SYNE1: variants seen among roughly 807,000 people sequenced by gnomAD.
SYNE1 encodes spectrin repeat containing nuclear envelope protein 1, also known as nesprin-1.
In SYNE1, 616 loss-of-function variants were observed where a neutral mutation model predicts 1,111.0. The ratio of observed to expected loss-of-function variants is 0.55; its 90% confidence interval spans 0.52 to 0.59. The LOEUF is 0.59. SYNE1 is among the 20% of genes least tolerant of loss of function. The pLI, the probability that SYNE1 is intolerant of heterozygous loss-of-function variation, is 0.00. For missense variants in SYNE1, 10,006 were observed against 10,417.0 expected (o/e 0.96, Z 1.72); for synonymous variants, 3,855 against 3,825.8 (o/e 1.01, Z -0.28).
intron 130 of SYNE1, among the ~76,000 whole-genome samples, chr6:152,175,120 G>A (rs2066106972): frequency 6.6e-6 from 1 of 152,212 alleles, no homozygotes; most frequent in African/African-American, 2.4e-5. Flanking sequence ...TTGAACCTGG[G>A]AGGCAGAGGT....
At chr6:152,346,323 C>A (rs982444912) in intron 73 of SYNE1, among the ~76,000 whole-genome samples, 1 of 151,904 alleles carries the variant, frequency 6.6e-6, no homozygotes, top group Non-Finnish European at 1.5e-5. Context: ...CTTGCCACCA[C>A]GCCCAGGTAA....
intron 9 of SYNE1, among the ~76,000 whole-genome samples, chr6:152,504,745 G>A (rs1207261739): frequency 6.6e-6 from 1 of 152,252 alleles, no homozygotes; most frequent in East Asian, 1.9e-4. Flanking sequence ...CAAAAAACGT[G>A]CCAAACAATT....
intron 127 of SYNE1, 123 bp from the exon 128 acceptor site, chr6:152,189,530 G>A: frequency 1.2e-6 from 1 of 863,638 alleles, no homozygotes; most frequent in Non-Finnish European, 1.8e-6. Context: ...ATCTAACTTG[G>A]GATCTAGAGG....
intron 98 of SYNE1, among the ~76,000 whole-genome samples, chr6:152,277,100 C>T (rs1490424265): frequency 6.6e-6 from 1 of 151,248 alleles, no homozygotes; most frequent in African/African-American, 2.4e-5. Flanking sequence ...CCGTGTTAGC[C>T]AGGATGGTCT....
chr6:152,433,102 A>G (rs1402691244), intron 34 of SYNE1, among the ~76,000 whole-genome samples: 2 of 151,876 alleles, frequency 1.3e-5, no homozygotes, highest in Non-Finnish European at 2.9e-5. Context: ...AAAAAAAAAA[A>G]GCTGAGGTAG....
intron 3 of SYNE1, among the ~76,000 whole-genome samples, chr6:152,608,798 A>T (rs1240709860): frequency 6.6e-6 from 1 of 152,124 alleles, no homozygotes; most frequent in Non-Finnish European, 1.5e-5. Flanking sequence ...GCTGGGTGTG[A>T]TGGCACACAC....
At chr6:152,282,097 T>C in intron 96 of SYNE1, 117 bp from the exon 97 acceptor site, 3 of 1,116,786 alleles carry the variant, frequency 2.7e-6, no homozygotes, top group Non-Finnish European at 3.9e-6. Context: ...GGTAAAACTT[T>C]TAAAAATTTC....
At chr6:152,386,062 CTTAGTATGGA>C (rs2097522540) in intron 54 of SYNE1, among the ~76,000 whole-genome samples, 4 of 152,078 alleles carry the variant, frequency 2.6e-5, no homozygotes, top group Admixed American at 1.3e-4. Context: ...TATTTTCTAC[CTTAGTATGGA>C]AATCATGCTT....
chr6:152,182,648 G>C (rs1477149692), intron 128 of SYNE1, among the ~76,000 whole-genome samples: 1 of 152,094 alleles, frequency 6.6e-6, no homozygotes, highest in African/African-American at 2.4e-5. Context: ...TATCAATTCT[G>C]TCTTGGATTT....
intron 46 of SYNE1, among the ~76,000 whole-genome samples, chr6:152,402,128 G>A (rs553409180): frequency 2.0e-5 from 3 of 152,194 alleles, no homozygotes; most frequent in Non-Finnish European, 4.4e-5. Context: ...AGACTGGCAG[G>A]AGGCGGGTGA....
chr6:152,154,775 G>T, intron 133 of SYNE1, 117 bp downstream of exon 133: 1 of 1,172,722 alleles, frequency 8.5e-7, no homozygotes, highest in Non-Finnish European at 1.3e-6. Context: ...AAGTCCTCAC[G>T]CAGCAATTTG....
chr6:152,251,139 C>T (rs2089103597), intron 104 of SYNE1, among the ~76,000 whole-genome samples: 2 of 151,900 alleles, frequency 1.3e-5, no homozygotes, highest in Non-Finnish European at 2.9e-5. Context: ...TTAGTAGAGA[C>T]GGGGTTTCAC....
chr6:152,590,099 A>AATTATTATT (rs747538908), intron 3 of SYNE1, among the ~76,000 whole-genome samples: 93 of 149,480 alleles, frequency 6.2e-4, no homozygotes, highest in African/African-American at 2.0e-3. Flanking sequence ...ACACCTGACT[A>AATTATTATT]ATTATTATTA....
At chr6:152,294,419 G>C (rs1296652767) in intron 93 of SYNE1, among the ~76,000 whole-genome samples, 1 of 152,064 alleles carries the variant, frequency 6.6e-6, no homozygotes, top group Non-Finnish European at 1.5e-5. Context: ...AAATACAAAG[G>C]ATTTAAGCAG....
intron 98 of SYNE1, among the ~76,000 whole-genome samples, chr6:152,274,091 A>G (rs1011230199): frequency 2.0e-5 from 3 of 152,248 alleles, no homozygotes; most frequent in African/African-American, 7.2e-5. Context: ...AAAGCATTAT[A>G]TATTAGACCT....
Position 152,349,391 on chromosome 6 carries a change from A to G in SYNE1, c.11901+777T>C, listed in dbSNP as rs1485637426. 3.9e-5 allele frequency among the ~76,000 whole-genome samples: 6 copies of G among 152,240 alleles called. No homozygotes were observed. In the South Asian group the frequency reaches 6.2e-4, roughly 16 times the overall value. ...TCCTGTGATTAGCACAACAATTATGAGATGGGCTGGTATTGTTATCATCCT... is the reference window on the plus strand; with the variant it reads ...TCCTGTGATTAGCACAACAATTATGGGATGGGCTGGTATTGTTATCATCCT... On this transcript the variant is annotated intron_variant, in intron 72 of 145. Transcript: ENST00000367255.
intron 45 of SYNE1, among the ~76,000 whole-genome samples, chr6:152,406,607 C>A (rs1356803947): frequency 1.3e-5 from 2 of 152,076 alleles, no homozygotes; most frequent in Non-Finnish European, 2.9e-5. Flanking sequence ...GTGGCTCACA[C>A]CTGTAATCAC....
chr6:152,516,704 G>A (rs891495280), intron 6 of SYNE1, among the ~76,000 whole-genome samples: 1 of 152,018 alleles, frequency 6.6e-6, no homozygotes, highest in Non-Finnish European at 1.5e-5. Flanking sequence ...TCAGCCTCTC[G>A]AGTAGCTGGG....
intron 87 of SYNE1, 145 bp from the exon 88 acceptor site, chr6:152,311,018 T>C (rs928372603): frequency 1.3e-5 from 10 of 775,150 alleles, no homozygotes; most frequent in Non-Finnish European, 2.0e-5. Flanking sequence ...CACTTTCTAC[T>C]TGGTAGCCAC....
Sources: allele counts gnomAD v4.1 joint callset (sites outside exome capture counted in the v4.1 genomes callset), GRCh38; gene constraint gnomAD v4.1.1; transcripts MANE v1.5; gene names NCBI Gene and HGNC (gene_info 2026-07-23, HGNC 2026-07-21).